The following MYOM2 variants were observed in gnomAD, a reference collection of about 807,000 sequenced individuals.
MYOM2 encodes the protein myomesin-2.
A neutral mutation model predicts 187.6 loss-of-function variants in MYOM2; 254 were observed. The observed-to-expected ratio is 1.35, with a 90% CI of 1.22 to 1.50. The LOEUF is 1.50. Among genes scored for constraint, MYOM2 ranks in the 40% most tolerant of loss-of-function variants. The pLI is 0.00. For synonymous variants in MYOM2, 981 were observed against 753.8 expected, an observed-to-expected ratio of 1.30 and a Z score of -4.94; for missense variants, 2,796 against 1,924.0, an observed-to-expected ratio of 1.45 and a Z score of -8.48.
At chr8:2,065,818 A>G (rs1819000591) in intron 6 of MYOM2, among the ~76,000 whole-genome samples, 1 of 152,194 alleles carries the variant, frequency 6.6e-6, no homozygotes, top group South Asian at 2.1e-4. Flanking sequence ...TGGCTGCGTA[A>G]GGTTCATGTT....
chr8:2,120,753 T>C (rs904252192), intron 28 of MYOM2, among the ~76,000 whole-genome samples: 1 of 109,778 alleles, frequency 9.1e-6, no homozygotes, highest in Non-Finnish European at 1.9e-5. Flanking sequence ...TCAATACTGT[T>C]TTCCCTTCCT....
At chr8:2,110,717 G>A (rs1262675150) in intron 25 of MYOM2, among the ~76,000 whole-genome samples, 1 of 152,222 alleles carries the variant, frequency 6.6e-6, no homozygotes, top group African/African-American at 2.4e-5. Flanking sequence ...GGATGCAGGA[G>A]CCTCTCATGC....
intron 8 of MYOM2, among the ~76,000 whole-genome samples, chr8:2,071,856 A>C (rs1446531042): frequency 6.6e-6 from 1 of 152,086 alleles, no homozygotes; most frequent in Non-Finnish European, 1.5e-5. Flanking sequence ...CCTCACGTGG[A>C]AGGAAGGAAG....
At chr8:2,090,797 T>C (rs1394896098) in intron 15 of MYOM2, among the ~76,000 whole-genome samples, 3 of 152,196 alleles carry the variant, frequency 2.0e-5, no homozygotes, top group Admixed American at 2.0e-4. Context: ...AAGGACGTGG[T>C]CTTGTTCTTT....
At chr8:2,077,924 C>T (rs996405100) in intron 11 of MYOM2, among the ~76,000 whole-genome samples, 8 of 152,166 alleles carry the variant, frequency 5.3e-5, no homozygotes, top group African/African-American at 1.4e-4. Flanking sequence ...TCGGCTAAAA[C>T]AGCCCATGAC....
chr8:2,071,642 G>A (rs1409740963), intron 8 of MYOM2, among the ~76,000 whole-genome samples: 2 of 152,180 alleles, frequency 1.3e-5, no homozygotes, highest in African/African-American at 2.4e-5. Context: ...TGACGACACC[G>A]CAAAGTCGAC....
At chr8:2,102,450 C>T (rs2294069) in intron 20 of MYOM2, among the ~76,000 whole-genome samples, 87,901 of 152,008 alleles carry the variant, frequency 0.58, 25,586 homozygotes, top group Admixed American at 0.64. Context: ...AAAGAGGTTC[C>T]ATCAGATTGG....
chr8:2,128,634 G>A (rs913150801), intron 31 of MYOM2, among the ~76,000 whole-genome samples: 1 of 152,092 alleles, frequency 6.6e-6, no homozygotes, highest in African/African-American at 2.4e-5. Flanking sequence ...TATTGCCCCT[G>A]GGGTTTCTTC....
intron 3 of MYOM2, among the ~76,000 whole-genome samples, 154 bp downstream of exon 3, chr8:2,052,467 C>T (rs1470064188): frequency 6.6e-6 from 1 of 152,188 alleles, no homozygotes; most frequent in Non-Finnish European, 1.5e-5. Flanking sequence ...TGCTGTTTCC[C>T]AATCACCTGC....
At chr8:2,051,553 C>T (rs527504352) in intron 2 of MYOM2, among the ~76,000 whole-genome samples, 49 of 152,340 alleles carry the variant, frequency 3.2e-4, no homozygotes, top group African/African-American at 8.2e-4. Flanking sequence ...TGTTTAGAAA[C>T]GCTTAGGGTA....
rs1796347238 is a variant in MYOM2, at chr8:2,092,620, C to T, written c.2003+100C>T. 7 of 1,287,386 alleles carry T rather than the reference C, an allele frequency of 5.4e-6. No homozygotes were observed. The South Asian group carries it at 8.8e-5, about 16-fold the overall frequency. 79.7% of individuals were successfully genotyped at this position (1,287,386 alleles called of 1,614,324 possible). ...CACAGGGAGTACCATGGCCGCAAGG[C>T]TTCTGCGTAAATGAGTCTGTCTTAG... On this transcript the variant is annotated intron_variant, in intron 16 of 36. Transcript: ENST00000262113.
chr8:2,049,720 A>G (rs1818421626), intron 1 of MYOM2, among the ~76,000 whole-genome samples: 1 of 152,170 alleles, frequency 6.6e-6, no homozygotes, highest in Non-Finnish European at 1.5e-5. Flanking sequence ...GAAATTAATG[A>G]CTGCAGAGAT....
intron 28 of MYOM2, among the ~76,000 whole-genome samples, chr8:2,122,582 T>C (rs1797494163): frequency 6.6e-6 from 1 of 152,252 alleles, no homozygotes; most frequent in Non-Finnish European, 1.5e-5. Flanking sequence ...TCACATGGGA[T>C]GTGAACATCG....
chr8:2,143,082 C>G (rs1012385420), intron 35 of MYOM2, among the ~76,000 whole-genome samples: 2 of 152,042 alleles, frequency 1.3e-5, no homozygotes, highest in Non-Finnish European at 2.9e-5. Context: ...CTGCCCAACT[C>G]AGGGACACAC....
chr8:2,081,362 G>A (rs1387289512), intron 13 of MYOM2, among the ~76,000 whole-genome samples: 1 of 144,082 alleles, frequency 6.9e-6, no homozygotes, highest in Non-Finnish European at 1.5e-5. Context: ...CCCAGCCCAT[G>A]TAGAATGAGG....
In MYOM2 at chr8:2,057,434, T is replaced by G. The variant is rs761446787; in HGVS notation, c.350T>G (p.Leu117Arg). The G allele has an allele frequency of 1.3e-5, 21 of 1,613,892 alleles. No individual in the cohort carries two copies. Among genetic ancestry groups the G allele is most frequent in the Non-Finnish European group, 1.6e-5 (19 of 1,180,002 alleles). ...GCCCACTTGGAGGAGGATGTCCACCTGGCACGCTCCCAGGCCCGCGACAAG... is the reference window on the plus strand; with the variant it reads ...GCCCACTTGGAGGAGGATGTCCACCGGGCACGCTCCCAGGCCCGCGACAAG... The part of the protein sequence containing the change: ...ELAHLEEDVH[L>R]ARSQARDKLD... Residue 117 changes from leucine to arginine, a missense_variant, in exon 4 of 37, where the codon CTG becomes CGG. By Grantham distance (102) the Leu-to-Arg change is moderately radical. Transcript: ENST00000262113.
chr8:2,105,244 T>C (rs57169631), intron 21 of MYOM2, among the ~76,000 whole-genome samples: 37,930 of 152,054 alleles, frequency 0.25, 5,024 homozygotes, highest in Admixed American at 0.33. Flanking sequence ...TGGCTGTCTG[T>C]GGTGGCCTCT....
At position 2,144,975 on chromosome 8, in the gene MYOM2, C is replaced by A; in HGVS notation, c.4392C>A (p.Gly1464=). 1.2e-6 allele frequency: 2 copies of A among 1,613,354 alleles called. No individual in the cohort carries two copies. The highest frequency in any genetic ancestry group is 1.7e-6 in the Non-Finnish European group (2 of 1,179,808). ...TCCCCGCGTCTGCCTCAGCGGCAGG[C>A]CAGTGAAGGCGTTTTCCTAGCCTGG... The part of the protein sequence containing the change: ...KLIPASASAA[G]Q The change falls in exon 37 of 37, where the codon GGC becomes GGA. Residue 1464 remains glycine (G), a synonymous_variant. Coordinates refer to ENST00000262113, the MANE Select transcript of MYOM2 (RefSeq NM_003970.4).
rs748253119 is a variant in MYOM2, at chr8:2,078,840, G to A, written c.1369G>A (p.Val457Met). The part of the protein sequence containing the change: ...LFEGRSYIFR[V>M]RAVNSAGISR... ...TGAAGGAAGGTCTTACATATTCCGA[G>A]TGAGGGCAGTGAACAGTGCGGGCAT... Residue 457 changes from valine (V) to methionine (M), a missense_variant, in exon 12 of 37, where the codon GTG becomes ATG. Coordinates refer to ENST00000262113, the MANE Select transcript of MYOM2 (RefSeq NM_003970.4). 2 of 1,614,156 alleles carry A rather than the reference G, an allele frequency of 1.2e-6. No homozygotes were observed. The highest frequency in any genetic ancestry group is 8.5e-7 in the Non-Finnish European group (1 of 1,180,004).
Sources: allele counts gnomAD v4.1 joint callset (sites outside exome capture counted in the v4.1 genomes callset), GRCh38; gene constraint gnomAD v4.1.1; transcripts MANE v1.5; gene names NCBI Gene and HGNC (gene_info 2026-07-23, HGNC 2026-07-21).